Variants in ELF2 observed in about 807,000 individuals in gnomAD.
The protein encoded by ELF2 is ETS-related transcription factor Elf-2.
A neutral mutation model predicts 54.8 loss-of-function variants in ELF2; 11 were observed. The observed-to-expected ratio is 0.20, with a 90% CI of 0.13 to 0.33. The LOEUF (loss-of-function observed/expected upper bound fraction) is 0.33. Ranked by LOEUF, ELF2 falls within the 10% of genes least tolerant of loss-of-function variation. The pLI is 1.00. For missense variants in ELF2, 513 were observed against 703.0 expected (o/e 0.73, Z 3.06); for synonymous variants, 203 against 245.1 (o/e 0.83, Z 1.61).
chr4:139,063,281 C>T (rs1339660023), intron 7 of ELF2, among the ~76,000 whole-genome samples: 2 of 152,008 alleles, frequency 1.3e-5, no homozygotes, highest in South Asian at 2.1e-4. Context: ...GAAAAAAGAA[C>T]ATTACTGCCT....
intron 4 of ELF2, chr4:139,084,276 G>C (rs1731655721): frequency 5.6e-6 from 9 of 1,603,424 alleles, no homozygotes; most frequent in Middle Eastern, 1.7e-4. Flanking sequence ...CCCGCGGCCG[G>C]AGACACACGC....
chr4:139,091,026 C>T (rs186775792), intron 4 of ELF2, among the ~76,000 whole-genome samples: 4 of 152,070 alleles, frequency 2.6e-5, no homozygotes, highest in Admixed American at 6.5e-5. Flanking sequence ...CTCCACCTTC[C>T]GGGTTCACGC....
intron 1 of ELF2, among the ~76,000 whole-genome samples, chr4:139,176,445 C>T (rs1296323882): frequency 6.6e-6 from 1 of 151,846 alleles, no homozygotes; most frequent in Admixed American, 6.5e-5. Flanking sequence ...CCTCCCAGGT[C>T]CCGCCCCGAG....
intron 6 of ELF2, among the ~76,000 whole-genome samples, chr4:139,070,384 G>A (rs958508600): frequency 2.0e-5 from 3 of 150,012 alleles, no homozygotes; most frequent in East Asian, 4.0e-4. Flanking sequence ...TCCACCTCTC[G>A]GGTTCAAGCG....
intron 4 of ELF2, among the ~76,000 whole-genome samples, chr4:139,077,158 C>T (rs563025758): frequency 6.6e-6 from 1 of 152,180 alleles, no homozygotes; most frequent in East Asian, 1.9e-4. Flanking sequence ...ATCCAAAATG[C>T]TTAGGACCAG....
At chr4:139,113,220 T>A (rs1735162828) in intron 4 of ELF2, among the ~76,000 whole-genome samples, 1 of 152,064 alleles carries the variant, frequency 6.6e-6, no homozygotes, top group Non-Finnish European at 1.5e-5. Context: ...TAGCTGAGTG[T>A]CGTGGCATTT....
chr4:139,125,064 T>C, intron 4 of ELF2, 100 bp downstream of exon 4: 1 of 1,424,712 alleles, frequency 7.0e-7, no homozygotes, highest in Non-Finnish European at 9.4e-7. Context: ...CTAAATAGCA[T>C]TAAAAAGGTT....
At chr4:139,151,077 A>AAAGT (rs1739924312) in intron 1 of ELF2, among the ~76,000 whole-genome samples, 1 of 150,022 alleles carries the variant, frequency 6.7e-6, no homozygotes, top group East Asian at 1.9e-4. Flanking sequence ...AGAAAGAAAG[A>AAAGT]AAGAAAGAAA....
At chr4:139,136,307 G>A (rs1738146076) in intron 3 of ELF2, among the ~76,000 whole-genome samples, 1 of 152,016 alleles carries the variant, frequency 6.6e-6, no homozygotes. Context: ...AAACACTTAA[G>A]AGTTTTTGAG....
intron 1 of ELF2, among the ~76,000 whole-genome samples, chr4:139,147,362 CCATT>C (rs1739319971): frequency 6.6e-6 from 1 of 152,162 alleles, no homozygotes; most frequent in African/African-American, 2.4e-5. Context: ...GCAAGAATGG[CCATT>C]ATTAAGACAA....
chr4:139,064,701 G>A (rs1728420540), intron 7 of ELF2, among the ~76,000 whole-genome samples: 1 of 152,026 alleles, frequency 6.6e-6, no homozygotes. Flanking sequence ...CCGACATGGA[G>A]AAACCCCATC....
At chr4:139,059,849 C>CTTT (rs780513254) in intron 9 of ELF2, among the ~76,000 whole-genome samples, 1 of 141,980 alleles carries the variant, frequency 7.0e-6, no homozygotes, top group Admixed American at 7.1e-5. Context: ...AAGACATCTA[C>CTTT]TTTTTTTTTT....
chr4:139,116,963 A>G (rs1735780399), intron 4 of ELF2, among the ~76,000 whole-genome samples: 1 of 152,172 alleles, frequency 6.6e-6, no homozygotes, highest in African/African-American at 2.4e-5. Flanking sequence ...CTAAACTTTC[A>G]TTTTTATTTT....
chr4:139,062,158 A>C, intron 7 of ELF2, 101 bp from the exon 8 acceptor site: 1 of 1,226,854 alleles, frequency 8.2e-7, no homozygotes, highest in Non-Finnish European at 1.1e-6. Flanking sequence ...AAAAATCCTG[A>C]ATATACTTGT....
chr4:139,078,204 C>A (rs1161176201), intron 4 of ELF2, among the ~76,000 whole-genome samples: 3 of 152,070 alleles, frequency 2.0e-5, no homozygotes, highest in Non-Finnish European at 4.4e-5. Flanking sequence ...TAAAAGAATG[C>A]TGGCAATGGA....
At chr4:139,147,752 G>A (rs1365237803) in intron 1 of ELF2, among the ~76,000 whole-genome samples, 1 of 151,072 alleles carries the variant, frequency 6.6e-6, no homozygotes. Context: ...GGGATTACAG[G>A]CGTCAGCCAC....
chr4:139,105,461 T>C (rs1278256769), intron 4 of ELF2, among the ~76,000 whole-genome samples: 1 of 152,236 alleles, frequency 6.6e-6, no homozygotes, highest in African/African-American at 2.4e-5. Flanking sequence ...ACCATCCTTT[T>C]ACTCCCCAAA....
At chr4:139,136,041 A>AT (rs1491461282) in intron 3 of ELF2, among the ~76,000 whole-genome samples, 1 of 152,204 alleles carries the variant, frequency 6.6e-6, no homozygotes, top group Non-Finnish European at 1.5e-5. Context: ...GGCTCCCCTC[A>AT]TAAGGTTAAA....
intron 1 of ELF2, among the ~76,000 whole-genome samples, chr4:139,168,114 A>C (rs1183037785): frequency 6.6e-6 from 1 of 152,230 alleles, no homozygotes; most frequent in Non-Finnish European, 1.5e-5. Flanking sequence ...AATGCTCTGC[A>C]TTAGCTATTG....
Sources: allele counts gnomAD v4.1 joint callset (sites outside exome capture counted in the v4.1 genomes callset), GRCh38; gene constraint gnomAD v4.1.1; transcripts MANE v1.5; gene names NCBI Gene and HGNC (gene_info 2026-07-23, HGNC 2026-07-21).